Variants in FRMD4A observed in about 807,000 individuals in gnomAD.
The protein encoded by FRMD4A is FERM domain-containing protein 4A.
A neutral mutation model predicts 129.1 loss-of-function variants in FRMD4A; 29 were observed. The ratio of observed to expected loss-of-function variants is 0.22; its 90% CI spans 0.17 to 0.31. The LOEUF (loss-of-function observed/expected upper bound fraction) is 0.31, where lower values mean the gene tolerates loss of function less well. FRMD4A is among the 10% of genes least tolerant of loss of function. The pLI, the probability that FRMD4A is intolerant of heterozygous loss-of-function variation, is 1.00. For missense variants in FRMD4A, 1,272 were observed against 1,375.8 expected (o/e 0.92, Z 1.19); for synonymous variants, 634 against 571.6 (o/e 1.11, Z -1.56).
intron 2 of FRMD4A, chr10:13,890,717 C>T (rs932304142): frequency 1.0e-5 from 10 of 985,312 alleles, no homozygotes; most frequent in South Asian, 4.7e-5. Context: ...GAGCCAGAGC[C>T]GCATCCATTC....
At chr10:13,684,402 C>T in intron 15 of FRMD4A, 1 of 985,048 alleles carries the variant, frequency 1.0e-6, no homozygotes, top group Non-Finnish European at 1.2e-6. Context: ...GTTTGAGACC[C>T]TGGAGACACT....
chr10:14,057,316 C>T (rs7916518), intron 2 of FRMD4A, among the ~76,000 whole-genome samples: 69,267 of 151,334 alleles, frequency 0.46, 16,517 homozygotes, highest in Non-Finnish European at 0.54. Context: ...AAAAGAGAGA[C>T]TTCCCCCCCA....
intron 2 of FRMD4A, among the ~76,000 whole-genome samples, chr10:14,039,402 C>T (rs1833670848): frequency 6.7e-6 from 1 of 149,730 alleles, no homozygotes; most frequent in Non-Finnish European, 1.5e-5. Context: ...ATCCATCCAT[C>T]CATCCATCTA....
chr10:14,220,972 G>C (rs1843239954), intron 2 of FRMD4A, among the ~76,000 whole-genome samples: 1 of 152,050 alleles, frequency 6.6e-6, no homozygotes, highest in Admixed American at 6.6e-5. Flanking sequence ...ATTTAGGCTG[G>C]ACTGAGGGGC....
intron 2 of FRMD4A, among the ~76,000 whole-genome samples, chr10:14,216,016 C>A (rs1169994185): frequency 6.6e-6 from 1 of 152,106 alleles, no homozygotes; most frequent in Non-Finnish European, 1.5e-5. Flanking sequence ...AGATTGCAAT[C>A]TCCATGGGGG....
chr10:13,917,837 T>C (rs996350151), intron 2 of FRMD4A, among the ~76,000 whole-genome samples: 1 of 152,206 alleles, frequency 6.6e-6, no homozygotes, highest in African/African-American at 2.4e-5. Flanking sequence ...ACAAGGTGCA[T>C]GGCCTTGGGT....
At chr10:13,798,487 C>G (rs914073246) in intron 4 of FRMD4A, among the ~76,000 whole-genome samples, 1 of 152,168 alleles carries the variant, frequency 6.6e-6, no homozygotes, top group Non-Finnish European at 1.5e-5. Context: ...GAGGCCAAGG[C>G]AGACAGATCA....
At chr10:13,932,244 A>G (rs778373628) in intron 2 of FRMD4A, among the ~76,000 whole-genome samples, 2 of 152,206 alleles carry the variant, frequency 1.3e-5, no homozygotes, top group Admixed American at 6.5e-5. Flanking sequence ...AAGGTGCTCA[A>G]CAAATGTTTG....
chr10:13,908,192 G>T (rs199865649), intron 2 of FRMD4A, among the ~76,000 whole-genome samples: 2 of 117,984 alleles, frequency 1.7e-5, no homozygotes, highest in Non-Finnish European at 1.9e-5. Flanking sequence ...AAAAAAAAAG[G>T]ACAGAAAATA....
intron 12 of FRMD4A, chr10:13,707,864 A>T: frequency 5.1e-6 from 5 of 985,400 alleles, no homozygotes; most frequent in Non-Finnish European, 6.0e-6. Context: ...CCTGGCGGTC[A>T]TTCCTCCTTC....
rs1211223386 is a variant in FRMD4A, at chr10:13,972,360, C to G, written c.46-113448G>C. 4.1e-6 allele frequency: 4 copies of G among 978,732 alleles called. No homozygotes were observed. The African/African-American group carries it at 7.0e-5, about 17-fold the overall frequency. The allele number at this position is 978,732 out of a possible 1,614,324, so 60.6% of individuals were successfully genotyped here. On this transcript the variant is annotated intron_variant, in intron 2 of 24. Coordinates refer to ENST00000357447, the MANE Select transcript of FRMD4A (RefSeq NM_018027.5). The stretch of plus-strand genomic sequence containing the variant: ...CAAAAAGTCCCATTCTGTAGCAGCA[C>G]TGGAGAAATTGCTATTTCTGTGGGC...
At chr10:13,715,655 C>T (rs2088709574) in intron 12 of FRMD4A, among the ~76,000 whole-genome samples, 1 of 152,060 alleles carries the variant, frequency 6.6e-6, no homozygotes, top group Non-Finnish European at 1.5e-5. Context: ...CCTGTAATCC[C>T]AGCACTTTGG....
At chr10:13,772,261 G>A (rs2092480162) in intron 6 of FRMD4A, among the ~76,000 whole-genome samples, 2 of 145,110 alleles carry the variant, frequency 1.4e-5, no homozygotes, top group South Asian at 4.3e-4. Flanking sequence ...TAATCCCTTT[G>A]GGCAAGGGCA....
At chr10:13,657,574 G>A in intron 21 of FRMD4A, 52 bp from the exon 22 acceptor site, 1 of 1,477,216 alleles carries the variant, frequency 6.8e-7, no homozygotes, top group Non-Finnish European at 9.0e-7. Context: ...GGCCCAAGGA[G>A]GGGTGCTCCG....
rs1056379507 is a variant in FRMD4A, at chr10:14,006,988, A to G, written c.46-148076T>C. ...AAAATGTAACTCATCAAAACTCAGG[A>G]AATCAACCCGACCTAAGTATTTAGT... On this transcript the variant is annotated intron_variant, in intron 2 of 24. Coordinates refer to ENST00000357447, the MANE Select transcript of FRMD4A (RefSeq NM_018027.5). 2.0e-5 allele frequency among the ~76,000 whole-genome samples: 3 copies of G among 152,220 alleles called. No homozygotes were observed. The East Asian group carries it at 5.8e-4, about 29-fold the overall frequency.
rs1007021026 is a variant in FRMD4A at position 14,084,819 on chromosome 10, C to T, written c.46-225907G>A. ...GCCTGCTCAACTGCTTACCCTGCCT[C>T]GACTGCTCCTTCTCCTGAAAACCAC... On this transcript the variant is annotated intron_variant, in intron 2 of 24. Transcript: ENST00000357447. 2.6e-5 allele frequency among the ~76,000 whole-genome samples: 4 copies of T among 152,184 alleles called. No homozygotes were observed. The South Asian group carries it at 6.2e-4, about 24-fold the overall frequency.
intron 3 of FRMD4A, among the ~76,000 whole-genome samples, chr10:13,846,852 G>A (rs1754208601): frequency 6.6e-6 from 1 of 152,164 alleles, no homozygotes; most frequent in Admixed American, 6.5e-5. Flanking sequence ...GGATACTCTG[G>A]TTGTGTCATA....
intron 2 of FRMD4A, among the ~76,000 whole-genome samples, chr10:13,899,482 A>G (rs550477230): frequency 1.3e-4 from 20 of 152,320 alleles, no homozygotes; most frequent in African/African-American, 4.8e-4. Context: ...TTCTACAGAC[A>G]AGGAACTTGG....
Position 13,661,996 on chromosome 10 carries a change from C to T in FRMD4A, c.1661-1443G>A, listed in dbSNP as rs116153381. 6.7e-3 allele frequency among the ~76,000 whole-genome samples: 1,020 copies of T among 152,196 alleles called. 12 individuals are homozygous for T. The highest frequency in any genetic ancestry group is 0.023 in the African/African-American group (941 of 41,514). On this transcript the variant is annotated intron_variant, in intron 19 of 24. Transcript: ENST00000357447. ...GTGGGACTGTGGCAAAAGGATGTGC[C>T]GACACCTGTGAGGAAGTCCAGGGGT...
Sources: gnomAD v4.1 joint callset for allele counts (sites outside exome capture counted in the v4.1 genomes callset) on GRCh38, gnomAD v4.1.1 for gene constraint, MANE v1.5 for transcripts, NCBI Gene and HGNC (gene_info 2026-07-23, HGNC 2026-07-21) for gene names.